Variants in DMD observed in about 807,000 individuals in gnomAD.
DMD encodes dystrophin.
DMD carries 63 observed loss-of-function variants against 330.1 expected under a neutral mutation model. That is an observed-to-expected ratio of 0.19 (90% CI 0.16 to 0.24). The LOEUF is 0.24. Among genes scored for constraint, DMD ranks in the 10% least tolerant of loss-of-function variants. The probability of loss-of-function intolerance (pLI) is 1.00; values close to 1 mark genes in which losing one functional copy is unlikely to be tolerated. For missense variants in DMD, 3,344 were observed against 2,684.1 expected (o/e 1.25, Z -5.43); for synonymous variants, 1,223 against 959.8 (o/e 1.27, Z -5.07).
At chrX:32,299,514 A>AT (rs2011168216) in intron 42 of DMD, among the ~76,000 whole-genome samples, 1 of 55,715 alleles carries the variant, frequency 1.8e-5, no homozygotes, top group Non-Finnish European at 3.5e-5. Context: ...CTTCTGATAC[A>AT]ATTTTTTTTT....
At position 31,493,554 on chromosome X, in the gene DMD, ATGGAGGCAGTATGGC is replaced by A. The variant is rs759966312; in HGVS notation, c.8547+3219_8547+3233del. Among the ~76,000 whole-genome samples the A allele has an allele frequency of 8.0e-3, 900 of 111,803 alleles. 4 individuals carry two copies. The highest frequency in any genetic ancestry group is 0.012 in the Non-Finnish European group (642 of 53,142). On this transcript the variant is annotated intron_variant, in intron 57 of 78. Coordinates refer to ENST00000357033, the MANE Select transcript of DMD (RefSeq NM_004006.3). ...GGACACGCAGAATTGGAAAAAGTAA[ATGGAGGCAGTATGGC>A]TGGCATCCAAACAGCAAGGGAAGAG...
chrX:32,183,219 A>T (rs1414586646), intron 44 of DMD, among the ~76,000 whole-genome samples: 1 of 111,130 alleles, frequency 9.0e-6, no homozygotes, highest in African/African-American at 3.3e-5. Flanking sequence ...TAGCCTAGAC[A>T]TTCACTAAAT....
chrX:32,203,229 T>C (rs1235463795), intron 44 of DMD, among the ~76,000 whole-genome samples: 2 of 112,560 alleles, frequency 1.8e-5, no homozygotes, highest in African/African-American at 6.5e-5. Context: ...ACTATTATGC[T>C]ATATCATAAC....
At chrX:31,398,489 A>G (rs2061045451) in intron 60 of DMD, among the ~76,000 whole-genome samples, 1 of 111,889 alleles carries the variant, frequency 8.9e-6, no homozygotes, top group Admixed American at 9.4e-5. Flanking sequence ...AAGTCTCACT[A>G]TGTTTCCCAG....
At chrX:32,666,760 A>G (rs2061328436) in intron 9 of DMD, among the ~76,000 whole-genome samples, 1 of 107,027 alleles carries the variant, frequency 9.3e-6, no homozygotes, top group African/African-American at 3.4e-5. Context: ...CCTGGGAGGC[A>G]GGGGTGCAGT....
At chrX:32,359,960 T>G (rs2097824947) in intron 37 of DMD, among the ~76,000 whole-genome samples, 3 of 111,131 alleles carry the variant, frequency 2.7e-5, no homozygotes, top group Admixed American at 1.9e-4. Context: ...AAATTGTTAG[T>G]CTATTTTAAC....
intron 50 of DMD, among the ~76,000 whole-genome samples, chrX:31,777,489 A>C (rs80019229): frequency 9.8e-6 from 1 of 102,387 alleles, no homozygotes; most frequent in East Asian, 3.2e-4. Context: ...TTTTTTTTTT[A>C]GCTGTGTAAC....
chrX:31,263,899 G>A (rs904116647), intron 62 of DMD, among the ~76,000 whole-genome samples: 1 of 112,151 alleles, frequency 8.9e-6, no homozygotes, highest in Non-Finnish European at 1.9e-5. Flanking sequence ...GCTTGGCAAC[G>A]TAGCCAAAAA....
Position 31,135,340 on chromosome X carries a change from C to T in DMD, c.10922-1146G>A, listed in dbSNP as rs186888674. On this transcript the variant is annotated intron_variant, in intron 76 of 78. Coordinates refer to ENST00000357033, the MANE Select transcript of DMD (RefSeq NM_004006.3). ...CAAACGAAACTCAAGTACCTTTAAA[C>T]TCCAATGTAATAGAAATAAAAATAG... Among the ~76,000 whole-genome samples, 710 of 112,092 alleles carry T rather than the reference C, an allele frequency of 6.3e-3. 6 individuals are homozygous for T. Among genetic ancestry groups the T allele is most frequent in the Non-Finnish European group, 0.011 (582 of 53,165 alleles).
chrX:31,191,318 T>C (rs759172207), intron 67 of DMD, among the ~76,000 whole-genome samples: 25 of 111,836 alleles, frequency 2.2e-4, no homozygotes, highest in Non-Finnish European at 4.1e-4. Flanking sequence ...TCCTAAACAT[T>C]TTTATTGACA....
chrX:33,079,012 T>TA (rs1324711298), intron 1 of DMD, among the ~76,000 whole-genome samples: 1 of 109,459 alleles, frequency 9.1e-6, no homozygotes, highest in East Asian at 2.8e-4. Context: ...GACCACCTGT[T>TA]ACATTTTACA....
intron 9 of DMD, among the ~76,000 whole-genome samples, chrX:32,675,997 A>G (rs761232506): frequency 9.0e-6 from 1 of 111,503 alleles, no homozygotes; most frequent in East Asian, 2.8e-4. Context: ...CAGAGCCCAG[A>G]AATTGGAAAA....
intron 44 of DMD, among the ~76,000 whole-genome samples, chrX:32,014,343 T>C (rs1395087755): frequency 9.0e-6 from 1 of 111,275 alleles, no homozygotes; most frequent in Non-Finnish European, 1.9e-5. Context: ...TTAGGTGATA[T>C]GTATGATTGT....
At chrX:31,170,333 C>T (rs375903583) in intron 73 of DMD, among the ~76,000 whole-genome samples, 65 of 110,532 alleles carry the variant, frequency 5.9e-4, no homozygotes, top group African/African-American at 1.7e-3. Context: ...ACTAATCTTG[C>T]GGGAAAAGGA....
chrX:32,304,684 A>C (rs1302968596), intron 42 of DMD, among the ~76,000 whole-genome samples: 1 of 111,357 alleles, frequency 9.0e-6, no homozygotes, highest in African/African-American at 3.2e-5. Flanking sequence ...ATATATAGCA[A>C]ATCAATCAAA....
chrX:33,297,499 G>A (rs1488339574), intron 1 of DMD, among the ~76,000 whole-genome samples: 1 of 110,730 alleles, frequency 9.0e-6, no homozygotes, highest in Non-Finnish European at 1.9e-5. Context: ...TTTACCTGAA[G>A]AACATGAAAT....
intron 7 of DMD, among the ~76,000 whole-genome samples, chrX:32,731,230 A>T (rs2067587079): frequency 8.9e-6 from 1 of 112,229 alleles, no homozygotes; most frequent in African/African-American, 3.2e-5. Flanking sequence ...ACACCAGGAG[A>T]TTATATCCTG....
chrX:31,767,868 C>T (rs774036653), intron 51 of DMD, among the ~76,000 whole-genome samples: 2 of 111,852 alleles, frequency 1.8e-5, no homozygotes, highest in East Asian at 2.8e-4. Context: ...ACAACAACAA[C>T]AAAAATTAAA....
chrX:32,448,490 C>A lies in DMD; in HGVS notation c.3752G>T (p.Cys1251Phe). 8.3e-7 allele frequency: 1 copy of A among 1,208,693 alleles called. No homozygotes were observed. Among genetic ancestry groups the A allele is most frequent in the Non-Finnish European group, 1.1e-6 (1 of 893,334 alleles). Residue 1251 changes from cysteine to phenylalanine, a missense_variant, in exon 27 of 79, where the codon TGC becomes TTC. Transcript: ENST00000357033. ...ETLTTNYQWLCTRLNGKCKTL... is the reference protein window; with the variant it reads ...ETLTTNYQWLFTRLNGKCKTL... ...CTTGCATTTCCCATTCAGCCTAGTG[C>A]AGAGCCACTGGTAGTTGGTGGTTAG...
Sources: allele counts gnomAD v4.1 joint callset (sites outside exome capture counted in the v4.1 genomes callset), GRCh38; gene constraint gnomAD v4.1.1; transcripts MANE v1.5; gene names NCBI Gene and HGNC (gene_info 2026-07-23, HGNC 2026-07-21).